DIAPH3: variants seen among roughly 807,000 people sequenced by gnomAD.
DIAPH3 encodes protein diaphanous homolog 3.
In DIAPH3, 117 loss-of-function variants were observed where a neutral mutation model predicts 144.3. That is an observed-to-expected ratio of 0.81 (90% confidence interval 0.70 to 0.95). DIAPH3 has a LOEUF of 0.95. DIAPH3 is among the 40% of genes least tolerant of loss of function. The pLI is 0.00. For synonymous variants in DIAPH3, 519 were observed against 488.9 expected, an observed-to-expected ratio of 1.06 and a Z score of -0.81; for missense variants, 1,421 against 1,412.7, an observed-to-expected ratio of 1.01 and a Z score of -0.09.
intron 27 of DIAPH3, among the ~76,000 whole-genome samples, chr13:59,692,360 C>G (rs987376119): frequency 8.6e-5 from 13 of 151,604 alleles, no homozygotes; most frequent in East Asian, 3.9e-4. Flanking sequence ...AGTTGTATCC[C>G]TTTTTTCAGA....
chr13:59,881,377 G>T (rs1055745049), intron 20 of DIAPH3, among the ~76,000 whole-genome samples: 1 of 152,060 alleles, frequency 6.6e-6, no homozygotes, highest in East Asian at 1.9e-4. Context: ...GCTGTTTTCA[G>T]TAAGTGCCAT....
chr13:60,131,927 C>T (rs189031747), intron 2 of DIAPH3, among the ~76,000 whole-genome samples: 7 of 152,300 alleles, frequency 4.6e-5, no homozygotes, highest in African/African-American at 1.7e-4. Context: ...CAGCTGGGCA[C>T]ACTTGAGCAA....
chr13:60,092,830 T>C (rs1419282657), intron 4 of DIAPH3, among the ~76,000 whole-genome samples: 2 of 152,196 alleles, frequency 1.3e-5, no homozygotes, highest in African/African-American at 4.8e-5. Context: ...AGTTAAAGTA[T>C]AAATAACTTA....
At chr13:60,137,597 T>C (rs2059318306) in intron 1 of DIAPH3, among the ~76,000 whole-genome samples, 1 of 152,312 alleles carries the variant, frequency 6.6e-6, no homozygotes, top group South Asian at 2.1e-4. Context: ...GCAAAGGATC[T>C]GTCCATTGAT....
intron 3 of DIAPH3, among the ~76,000 whole-genome samples, chr13:60,102,626 G>A (rs1201463282): frequency 5.9e-5 from 9 of 152,198 alleles, no homozygotes; most frequent in East Asian, 1.9e-4. Flanking sequence ...TAACAGTTAC[G>A]GGAATAAGTT....
chr13:59,905,268 G>A (rs1230767855), intron 20 of DIAPH3, among the ~76,000 whole-genome samples: 1 of 148,764 alleles, frequency 6.7e-6, no homozygotes, highest in Non-Finnish European at 1.5e-5. Flanking sequence ...GCGTGAACCC[G>A]GGAGCCGGAG....
intron 25 of DIAPH3, among the ~76,000 whole-genome samples, chr13:59,786,497 G>A (rs1341721033): frequency 6.6e-6 from 1 of 151,998 alleles, no homozygotes; most frequent in East Asian, 1.9e-4. Flanking sequence ...AGGTTCTGTT[G>A]TAAGAAAATA....
intron 4 of DIAPH3, among the ~76,000 whole-genome samples, chr13:60,082,270 T>G (rs1220794416): frequency 7.1e-6 from 1 of 141,686 alleles, no homozygotes; most frequent in Non-Finnish European, 1.5e-5. Flanking sequence ...TAAATAGAAA[T>G]AAAGAATAAG....
At chr13:59,724,730 C>A (rs2035523043) in intron 27 of DIAPH3, among the ~76,000 whole-genome samples, 1 of 152,172 alleles carries the variant, frequency 6.6e-6, no homozygotes, top group Non-Finnish European at 1.5e-5. Flanking sequence ...ATGGTAGTCA[C>A]AGATAGTGAA....
chr13:59,711,951 T>C (rs762483211), intron 27 of DIAPH3, among the ~76,000 whole-genome samples: 8 of 152,182 alleles, frequency 5.3e-5, no homozygotes, highest in Non-Finnish European at 8.8e-5. Flanking sequence ...GGCAGAAGAA[T>C]GCCTTATGAG....
At chr13:59,671,017 A>G (rs1170379123) in intron 27 of DIAPH3, among the ~76,000 whole-genome samples, 1 of 152,192 alleles carries the variant, frequency 6.6e-6, no homozygotes, top group Admixed American at 6.5e-5. Context: ...TCACTCTTAT[A>G]TAGAAATCTT....
At chr13:59,824,977 T>C (rs1340080524) in intron 24 of DIAPH3, among the ~76,000 whole-genome samples, 1 of 152,040 alleles carries the variant, frequency 6.6e-6, no homozygotes. Flanking sequence ...TATTGCAAAC[T>C]CAGAGAGTCC....
chr13:59,956,183 T>A (rs1236612897), intron 17 of DIAPH3, among the ~76,000 whole-genome samples: 1 of 152,184 alleles, frequency 6.6e-6, no homozygotes, highest in Admixed American at 6.5e-5. Context: ...GAAATTTGCA[T>A]AAGTAATGAG....
chr13:59,768,114 C>G (rs954778247), intron 27 of DIAPH3, among the ~76,000 whole-genome samples: 1 of 151,960 alleles, frequency 6.6e-6, no homozygotes, highest in African/African-American at 2.4e-5. Flanking sequence ...ACATTCCTAG[C>G]CTAAAAAAAT....
At chr13:59,832,446 C>T (rs1052591499) in intron 24 of DIAPH3, among the ~76,000 whole-genome samples, 4 of 151,790 alleles carry the variant, frequency 2.6e-5, no homozygotes, top group Admixed American at 6.6e-5. Context: ...AATGACTTAC[C>T]CATCTATTAA....
rs138688699 is a variant in DIAPH3, at chr13:60,058,158, T to A, written c.496-15338A>T. ...TTATGCATCTGACAAAGAATTAATA[T>A]CCAGAATCTAAAAGTAACTCAAATC... On this transcript the variant is annotated intron_variant, in intron 4 of 27. Coordinates refer to ENST00000400324, the MANE Select transcript of DIAPH3 (RefSeq NM_001042517.2). Among the ~76,000 whole-genome samples the A allele has an allele frequency of 2.2e-3, 330 of 150,494 alleles. 2 individuals carry two copies. Among genetic ancestry groups the A allele is most frequent in the African/African-American group, 7.7e-3 (316 of 41,026 alleles).
At chr13:60,006,104 T>A (rs557598873) in intron 9 of DIAPH3, among the ~76,000 whole-genome samples, 1 of 152,300 alleles carries the variant, frequency 6.6e-6, no homozygotes, top group Non-Finnish European at 1.5e-5. Context: ...ATTTTTTAAA[T>A]CAACGTAGTT....
intron 27 of DIAPH3, among the ~76,000 whole-genome samples, chr13:59,762,537 G>C (rs1255027194): frequency 6.6e-6 from 1 of 152,098 alleles, no homozygotes; most frequent in Non-Finnish European, 1.5e-5. Context: ...AAGTAAAATA[G>C]TATCTAGGAC....
intron 22 of DIAPH3, among the ~76,000 whole-genome samples, chr13:59,840,732 C>T (rs75549142): frequency 0.021 from 3,170 of 151,962 alleles, 51 homozygotes; most frequent in Non-Finnish European, 0.03. Context: ...CTTGTTTGTG[C>T]TTGAAGAGTG....
Sources: gnomAD v4.1 joint callset for allele counts (sites outside exome capture counted in the v4.1 genomes callset) on GRCh38, gnomAD v4.1.1 for gene constraint, MANE v1.5 for transcripts, NCBI Gene and HGNC (gene_info 2026-07-23, HGNC 2026-07-21) for gene names.